KRT86: variants seen among roughly 807,000 people sequenced by gnomAD.
KRT86 encodes the protein keratin 86, also known as keratin, type II cuticular Hb6.
KRT86 carries 30 observed loss-of-function variants against 41.2 expected under a neutral mutation model. That is an observed-to-expected ratio of 0.73 (90% CI 0.54 to 0.99). The LOEUF is 0.99. Ranked by LOEUF, KRT86 falls within the 50% of genes least tolerant of loss-of-function variation. The probability of loss-of-function intolerance (pLI) is 0.00; values close to 1 mark genes in which losing one functional copy is unlikely to be tolerated. For missense variants in KRT86, 561 were observed against 571.4 expected (o/e 0.98, Z 0.19); for synonymous variants, 238 against 238.1 (o/e 1.00, Z 0.00).
At chr12:52,304,862 T>C in intron 5 of KRT86, 70 bp from the exon 6 acceptor site, 4 of 1,514,332 alleles carry the variant, frequency 2.6e-6, no homozygotes, top group Non-Finnish European at 3.7e-6. Context: ...ATGGAATGGG[T>C]GGGAAGAGAG....
chr12:52,306,223 T>C lies in KRT86; in HGVS notation c.1190T>C (p.Leu397Pro). The change falls in exon 9 of 11, where the codon CTG becomes CCG. Residue 397 changes from leucine (L) to proline (P), a missense_variant. Leu to Pro is a moderately conservative substitution (Grantham distance 98). Coordinates refer to ENST00000423955, the MANE Select transcript of KRT86 (RefSeq NM_001320198.2). Reference protein sequence around the residue: ...REYQEVMNSKLGLDIEIATYR... With the variant: ...REYQEVMNSKPGLDIEIATYR... Reference sequence around the variant, plus strand: ...TACCAGGAGGTGATGAACTCCAAGCTGGGCCTGGACATCGAGATCGCCACC... The same window carrying C: ...TACCAGGAGGTGATGAACTCCAAGCCGGGCCTGGACATCGAGATCGCCACC... The C allele has an allele frequency of 6.2e-7, 1 of 1,613,690 alleles. No homozygotes were observed. The highest frequency in any genetic ancestry group is 8.5e-7 in the Non-Finnish European group (1 of 1,180,014).
chr12:52,287,591 C>T (rs1249308980), intron 2 of KRT86: 2 of 1,613,814 alleles, frequency 1.2e-6, no homozygotes, highest in East Asian at 2.2e-5. Context: ...ACAGATGCCC[C>T]ATACCTGGCA....
intron 2 of KRT86, among the ~76,000 whole-genome samples, chr12:52,283,690 C>G (rs538890096): frequency 6.6e-6 from 1 of 151,972 alleles, no homozygotes; most frequent in Admixed American, 6.6e-5. Flanking sequence ...CTATTGGTCA[C>G]GCTGGTCTCA....
At chr12:52,285,827 G>A (rs1427451620) in intron 2 of KRT86, 7 of 246,892 alleles carry the variant, frequency 2.8e-5, no homozygotes, top group Non-Finnish European at 5.6e-5. Flanking sequence ...CCCTTGGCTT[G>A]GCCTTTTGCT....
intron 2 of KRT86, chr12:52,286,982 G>C (rs59448276): frequency 1.3e-6 from 2 of 1,574,478 alleles, no homozygotes; most frequent in East Asian, 2.3e-5. Flanking sequence ...TCCCCACACC[G>C]GAAGTGAATA....
At chr12:52,287,548 A>C in intron 2 of KRT86, 1 of 1,613,868 alleles carries the variant, frequency 6.2e-7, no homozygotes, top group African/African-American at 1.3e-5. Context: ...CTGTGTGACA[A>C]TGGTTAGGCC....
At chr12:52,287,806 A>G (rs937663279) in intron 2 of KRT86, 1 of 1,612,118 alleles carries the variant, frequency 6.2e-7, no homozygotes, top group African/African-American at 1.3e-5. Flanking sequence ...CAGGTTGTAC[A>G]GTGCTCAGCC....
At chr12:52,302,433 G>A in intron 3 of KRT86, 148 bp downstream of exon 3, 1 of 363,688 alleles carries the variant, frequency 2.7e-6, no homozygotes, top group South Asian at 2.3e-5. Flanking sequence ...CAGACAGACA[G>A]ACACATGCAC....
At chr12:52,287,507 A>G (rs1937986374) in intron 2 of KRT86, 6 of 1,611,662 alleles carry the variant, frequency 3.7e-6, no homozygotes, top group Non-Finnish European at 8.5e-7. Flanking sequence ...GTGGAGAATG[A>G]ATGCTGAGAT....
At chr12:52,305,856 G>T in intron 8 of KRT86, 68 bp downstream of exon 8, 17 of 1,613,258 alleles carry the variant, frequency 1.1e-5, no homozygotes, top group Non-Finnish European at 1.4e-5. Context: ...GCCTATGTGT[G>T]CCCTATCTGG....
At chr12:52,293,609 G>A (rs1351193667) in intron 2 of KRT86, among the ~76,000 whole-genome samples, 5 of 152,166 alleles carry the variant, frequency 3.3e-5, no homozygotes, top group Admixed American at 6.5e-5. Context: ...GGGCTGGGAA[G>A]GAGTATGAGT....
chr12:52,305,256 A>G lies in KRT86; in HGVS notation c.752A>G (p.Gln251Arg), dbSNP rs750485674. The change falls in exon 7 of 11, where the codon CAG becomes CGG. Residue 251 changes from glutamine (Q) to arginine (R), a missense_variant. Around this residue, in one of 3 missense-constraint regions of KRT86, gnomAD observed 397 missense variants for 375.9 expected, o/e 1.06. Transcript: ENST00000423955. The part of the protein sequence containing the change: ...RLYEEEIRVL[Q>R]SHISDTSVVV... ...CTCCTGCAGGAGATCCGCGTTCTCC[A>G]GTCCCACATCTCAGACACCTCCGTG... is the stretch of plus-strand genomic sequence containing the variant. 2 of 1,614,238 alleles carry G rather than the reference A, an allele frequency of 1.2e-6. No homozygotes were observed. The highest frequency in any genetic ancestry group is 1.7e-6 in the Non-Finnish European group (2 of 1,180,028).
intron 2 of KRT86, chr12:52,291,318 C>A: frequency 1.3e-6 from 2 of 1,551,198 alleles, no homozygotes; most frequent in East Asian, 2.4e-5. Flanking sequence ...CCTCCGCACA[C>A]GCTGTGGCTG....
In KRT86 at chr12:52,305,978, G is replaced by A. The variant is rs1462007297; in HGVS notation, c.1027-82G>A. The A allele has an allele frequency of 8.2e-6, 13 of 1,582,368 alleles. No individual in the cohort carries two copies. The East Asian group carries it at 2.7e-4, about 33-fold the overall frequency. On this transcript the variant is annotated intron_variant, in intron 8 of 10. Coordinates refer to ENST00000423955, the MANE Select transcript of KRT86 (RefSeq NM_001320198.2). ...CTCTGTTCTGGGGTGCTCCCAGCTT[G>A]GTGGGGAGCATGGTCTCATCGAGGT...
chr12:52,286,849 AT>A, intron 2 of KRT86: 1 of 1,613,222 alleles, frequency 6.2e-7, no homozygotes, highest in Non-Finnish European at 8.5e-7. Flanking sequence ...AAAAGGCAAC[AT>A]TAGTGACTGC....
At chr12:52,297,474 T>A (rs1344654925) in intron 2 of KRT86, among the ~76,000 whole-genome samples, 1 of 152,162 alleles carries the variant, frequency 6.6e-6, no homozygotes, top group African/African-American at 2.4e-5. Flanking sequence ...TGTTGTCTAG[T>A]CTAAGCGATC....
chr12:52,284,479 T>C (rs1341622544), intron 2 of KRT86, among the ~76,000 whole-genome samples: 1 of 152,210 alleles, frequency 6.6e-6, no homozygotes, highest in East Asian at 1.9e-4. Context: ...TGTGAGCCAC[T>C]GCACCTGGCC....
At chr12:52,287,446 C>A in intron 2 of KRT86, 2 of 1,570,694 alleles carry the variant, frequency 1.3e-6, no homozygotes, top group Non-Finnish European at 1.7e-6. Context: ...GCCTTTATCA[C>A]CTGGGACTCA....
At chr12:52,301,536 C>T (rs1938375747) in intron 2 of KRT86, among the ~76,000 whole-genome samples, 1 of 152,172 alleles carries the variant, frequency 6.6e-6, no homozygotes, top group African/African-American at 2.4e-5. Context: ...GCAGCCCCGC[C>T]CCTTCCCTTC....
Sources: allele counts gnomAD v4.1 joint callset (sites outside exome capture counted in the v4.1 genomes callset), GRCh38; gene constraint gnomAD v4.1.1; regional missense constraint gnomAD v4.1.1; transcripts MANE v1.5; gene names NCBI Gene and HGNC (gene_info 2026-07-23, HGNC 2026-07-21).